Variants in LOC400499 observed in about 807,000 individuals in gnomAD.
At chr16:11,422,167 G>A in the LOC400499 span, among the ~76,000 whole-genome samples, 5 of 152,232 alleles carry the variant, frequency 3.3e-5, no homozygotes, top group Non-Finnish European at 2.9e-5. Context: ...TTGGGAGGCC[G>A]AAACGGGCCG....
chr16:11,411,148 G>A, the LOC400499 span: 1 of 398,638 alleles, frequency 2.5e-6, no homozygotes, highest in Admixed American at 4.4e-5. Context: ...GTGAACAGAT[G>A]TGCATGTATT....
the LOC400499 span, among the ~76,000 whole-genome samples, chr16:11,407,718 A>G: frequency 1.3e-5 from 2 of 152,338 alleles, no homozygotes; most frequent in South Asian, 4.1e-4. Flanking sequence ...CAGAACTCCA[A>G]GTGTGGATCT....
At chr16:11,524,670 G>C in the LOC400499 span, among the ~76,000 whole-genome samples, 2 of 152,004 alleles carry the variant, frequency 1.3e-5, no homozygotes. Context: ...GTGGCCCCTC[G>C]GCCCCCAGCT....
chr16:11,438,025 T>C, the LOC400499 span, among the ~76,000 whole-genome samples: 1 of 152,250 alleles, frequency 6.6e-6, no homozygotes, highest in South Asian at 2.1e-4. Flanking sequence ...CTTCCACTGG[T>C]GAGCTCCATG....
chr16:11,459,863 G>A, the LOC400499 span: 2 of 1,325,512 alleles, frequency 1.5e-6, no homozygotes, highest in Admixed American at 3.0e-5. Flanking sequence ...CTGGACTCAT[G>A]GGGCACGGCT....
the LOC400499 span, among the ~76,000 whole-genome samples, chr16:11,390,987 C>T: frequency 1.2e-4 from 18 of 152,346 alleles, no homozygotes; most frequent in East Asian, 2.7e-3. Flanking sequence ...CCGCCCCAGC[C>T]CCCTTCCCTG....
At chr16:11,446,339 G>C in the LOC400499 span, among the ~76,000 whole-genome samples, 8,286 of 151,162 alleles carry the variant, frequency 0.055, 263 homozygotes, top group East Asian at 0.14. Flanking sequence ...TTTTTCTTTT[G>C]TAGAAACAGG....
At chr16:11,500,274 G>A in the LOC400499 span, among the ~76,000 whole-genome samples, 2 of 152,206 alleles carry the variant, frequency 1.3e-5, no homozygotes, top group South Asian at 4.2e-4. Flanking sequence ...GTGGGAGGCT[G>A]AGGTGGGTGG....
chr16:11,384,867 C>T, the LOC400499 span: 1 of 1,232,210 alleles, frequency 8.1e-7, no homozygotes, highest in Non-Finnish European at 1.0e-6. Context: ...TGGGGCCAAC[C>T]CTCCTGGGGC....
chr16:11,460,160 G>C, the LOC400499 span: 2 of 1,006,926 alleles, frequency 2.0e-6, no homozygotes, highest in African/African-American at 1.6e-5. Flanking sequence ...GTTTTCAGAA[G>C]AGACGGTTCT....
chr16:11,500,504 C>T, the LOC400499 span, among the ~76,000 whole-genome samples: 6 of 73,932 alleles, frequency 8.1e-5, no homozygotes, highest in Non-Finnish European at 1.5e-4. Flanking sequence ...GAGCAAGACT[C>T]CGTCCTAAAT....
chr16:11,392,810 A>G, the LOC400499 span: 9 of 983,142 alleles, frequency 9.2e-6, no homozygotes, highest in African/African-American at 1.2e-4. Context: ...AGCTGAGACC[A>G]CAGGAACACA....
chr16:11,505,147 TAAAA>T, the LOC400499 span, among the ~76,000 whole-genome samples: 2 of 135,710 alleles, frequency 1.5e-5, no homozygotes, highest in Non-Finnish European at 3.2e-5. Context: ...TGCAATGGCT[TAAAA>T]AAAAAAAAAA....
At chr16:11,497,955 A>G in the LOC400499 span, among the ~76,000 whole-genome samples, 1 of 152,232 alleles carries the variant, frequency 6.6e-6, no homozygotes, top group Non-Finnish European at 1.5e-5. Context: ...TAAAGATGGA[A>G]AAATAAAATT....
chr16:11,403,154 C>T, the LOC400499 span, among the ~76,000 whole-genome samples: 4 of 152,278 alleles, frequency 2.6e-5, no homozygotes, highest in South Asian at 8.3e-4. Context: ...AGGAGGCTGC[C>T]CGAGGCCCCT....
At chr16:11,380,603 C>T in the LOC400499 span, among the ~76,000 whole-genome samples, 1 of 152,120 alleles carries the variant, frequency 6.6e-6, no homozygotes, top group East Asian at 1.9e-4. Context: ...AACTTATAAC[C>T]ACCTTTTAAT....
chr16:11,378,415 C>T, the LOC400499 span, among the ~76,000 whole-genome samples: 5 of 152,208 alleles, frequency 3.3e-5, no homozygotes, highest in African/African-American at 9.6e-5. Flanking sequence ...AGGCGCCTGC[C>T]ACCACGCCTG....
chr16:11,457,620 G>T, the LOC400499 span, among the ~76,000 whole-genome samples: 1 of 149,476 alleles, frequency 6.7e-6, no homozygotes, highest in South Asian at 2.1e-4. Flanking sequence ...ATTAAAGATC[G>T]AATTACCATA....
chr16:11,425,228 G>C, the LOC400499 span: 2 of 398,870 alleles, frequency 5.0e-6, no homozygotes, highest in African/African-American at 4.1e-5. Flanking sequence ...TGGCTGCATG[G>C]GCCCGGATGC....
Sources: allele counts gnomAD v4.1 joint callset (sites outside exome capture counted in the v4.1 genomes callset), GRCh38; gene constraint gnomAD v4.1.1; transcripts MANE v1.5.